Variants in BMPER observed in about 807,000 individuals in gnomAD.
BMPER encodes the protein BMP-binding endothelial regulator protein.
BMPER carries 45 observed loss-of-function variants against 87.3 expected under a neutral mutation model. That is an observed-to-expected ratio of 0.52 (90% CI 0.41 to 0.66). The LOEUF is 0.66. Among genes scored for constraint, BMPER ranks in the 30% least tolerant of loss-of-function variants. BMPER has a pLI of 0.00. For synonymous variants in BMPER, 326 were observed against 316.2 expected, an observed-to-expected ratio of 1.03 and a Z score of -0.33; for missense variants, 784 against 867.5, an observed-to-expected ratio of 0.90 and a Z score of 1.21.
chr7:34,033,865 C>A (rs920102078), intron 6 of BMPER, among the ~76,000 whole-genome samples: 2 of 152,204 alleles, frequency 1.3e-5, no homozygotes, highest in East Asian at 3.8e-4. Flanking sequence ...AAACTTCTAT[C>A]CTTCTAGTTA....
chr7:33,909,693 A>AAAAG (rs1554296294), intron 2 of BMPER, among the ~76,000 whole-genome samples: 3,433 of 138,846 alleles, frequency 0.025, 198 homozygotes, highest in African/African-American at 0.08. Context: ...AAAAAAAAAA[A>AAAAG]AAAGAAAGAA....
intron 3 of BMPER, among the ~76,000 whole-genome samples, chr7:33,939,534 C>T (rs1013366865): frequency 6.6e-6 from 1 of 152,112 alleles, no homozygotes; most frequent in Non-Finnish European, 1.5e-5. Flanking sequence ...AGCTTTGTGT[C>T]CCCACCCAAA....
intron 11 of BMPER, among the ~76,000 whole-genome samples, chr7:34,065,003 C>T (rs1244751605): frequency 6.6e-6 from 1 of 152,126 alleles, no homozygotes; most frequent in African/African-American, 2.4e-5. Context: ...GGATTCAGAA[C>T]AAACCTTTGG....
intron 6 of BMPER, among the ~76,000 whole-genome samples, chr7:34,043,403 A>C (rs1042059520): frequency 6.6e-6 from 1 of 152,158 alleles, no homozygotes; most frequent in Non-Finnish European, 1.5e-5. Flanking sequence ...ATGTAGACCT[A>C]TAAGTGTTTT....
At chr7:33,907,906 C>G (rs1483913734) in intron 2 of BMPER, among the ~76,000 whole-genome samples, 1 of 152,082 alleles carries the variant, frequency 6.6e-6, no homozygotes, top group Non-Finnish European at 1.5e-5. Flanking sequence ...TTTTTCATGA[C>G]AAGAGTTGAG....
At chr7:33,920,856 A>G (rs1318991362) in intron 2 of BMPER, among the ~76,000 whole-genome samples, 2 of 152,332 alleles carry the variant, frequency 1.3e-5, no homozygotes, top group East Asian at 3.9e-4. Flanking sequence ...ATATGTTTAT[A>G]TTTAAATCTT....
intron 11 of BMPER, among the ~76,000 whole-genome samples, chr7:34,065,106 T>G (rs1239213422): frequency 3.9e-5 from 6 of 152,144 alleles, no homozygotes; most frequent in African/African-American, 1.4e-4. Context: ...CAAAAAAGTC[T>G]AGTGTTTTCT....
chr7:33,944,339 G>C (rs1306804371), intron 3 of BMPER, among the ~76,000 whole-genome samples: 1 of 151,656 alleles, frequency 6.6e-6, no homozygotes, highest in Non-Finnish European at 1.5e-5. Flanking sequence ...CAATTTTTTT[G>C]TATTTTTAGT....
At chr7:34,140,798 A>G (rs1790844962) in intron 13 of BMPER, among the ~76,000 whole-genome samples, 1 of 152,194 alleles carries the variant, frequency 6.6e-6, no homozygotes, top group Admixed American at 6.5e-5. Flanking sequence ...TTGTCCATGG[A>G]ATTTTACAGA....
intron 13 of BMPER, among the ~76,000 whole-genome samples, chr7:34,097,991 C>T (rs1377539582): frequency 6.6e-6 from 1 of 151,968 alleles, no homozygotes; most frequent in East Asian, 1.9e-4. Context: ...TTAAAGTATA[C>T]CCTGATTTTT....
chr7:33,959,132 C>T (rs140206243), intron 3 of BMPER, among the ~76,000 whole-genome samples: 15 of 152,268 alleles, frequency 9.9e-5, no homozygotes, highest in African/African-American at 3.6e-4. Context: ...TTACACATTA[C>T]CCAGTCTCGT....
At chr7:33,991,498 C>A (rs184847298) in intron 6 of BMPER, among the ~76,000 whole-genome samples, 1 of 152,002 alleles carries the variant, frequency 6.6e-6, no homozygotes, top group South Asian at 2.1e-4. Context: ...CTATTTGATT[C>A]TTCTCTCTTT....
chr7:33,915,812 A>T (rs1585631602), intron 2 of BMPER, among the ~76,000 whole-genome samples: 1 of 152,382 alleles, frequency 6.6e-6, no homozygotes, highest in East Asian at 1.9e-4. Context: ...ACCACTTTTC[A>T]GCAACTACTT....
intron 11 of BMPER, among the ~76,000 whole-genome samples, chr7:34,065,239 T>TCTCTCTCTCTCTCA (rs1330346920): frequency 2.9e-5 from 4 of 137,500 alleles, no homozygotes; most frequent in Admixed American, 2.1e-4. Context: ...TCTCTCTCTC[T>TCTCTCTCTCTCTCA]CTCTCTCTCC....
At chr7:33,969,410 AT>A (rs1290326792) in intron 4 of BMPER, among the ~76,000 whole-genome samples, 2 of 152,086 alleles carry the variant, frequency 1.3e-5, no homozygotes, top group Non-Finnish European at 2.9e-5. Flanking sequence ...TTATTTATTT[AT>A]TTTTTTGAGA....
At chr7:33,958,576 C>A (rs1050552735) in intron 3 of BMPER, among the ~76,000 whole-genome samples, 2 of 152,214 alleles carry the variant, frequency 1.3e-5, no homozygotes, top group Admixed American at 1.3e-4. Flanking sequence ...TCCCCAGAGA[C>A]AACATTTTTA....
At chr7:34,118,601 G>A (rs1018904721) in intron 13 of BMPER, among the ~76,000 whole-genome samples, 3 of 152,144 alleles carry the variant, frequency 2.0e-5, no homozygotes, top group African/African-American at 7.2e-5. Context: ...CTGGACGGTG[G>A]ATGAATGAAT....
At chr7:33,970,245 C>T (rs1179504707) in intron 4 of BMPER, 84 bp from the exon 5 acceptor site, 7 of 1,392,128 alleles carry the variant, frequency 5.0e-6, no homozygotes, top group Non-Finnish European at 7.2e-6. Flanking sequence ...TGCTTGAGCA[C>T]TTCTCCTACT....
chr7:34,062,120 G>A, intron 11 of BMPER, 73 bp downstream of exon 11: 1 of 1,354,618 alleles, frequency 7.4e-7, no homozygotes, highest in Non-Finnish European at 1.0e-6. Context: ...AAAAATAGGG[G>A]TGTATGTTTC....
Sources: allele counts gnomAD v4.1 joint callset (sites outside exome capture counted in the v4.1 genomes callset), GRCh38; gene constraint gnomAD v4.1.1; transcripts MANE v1.5; gene names NCBI Gene and HGNC (gene_info 2026-07-23, HGNC 2026-07-21).